The following CCT6A variants were observed in gnomAD, a reference collection of about 807,000 sequenced individuals.
CCT6A encodes chaperonin containing TCP1 subunit 6A, also known as T-complex protein 1 subunit zeta.
Under a neutral mutation model 58.6 loss-of-function variants are expected in CCT6A, and 6 were observed. That is an observed-to-expected ratio of 0.10 (90% CI 0.06 to 0.20). The LOEUF is 0.20. CCT6A is among the 10% of genes least tolerant of loss of function. The pLI, the probability that CCT6A is intolerant of heterozygous loss-of-function variation, is 1.00. For synonymous variants in CCT6A, 245 were observed against 227.8 expected (o/e 1.08, Z -0.68); for missense variants, 516 against 648.8 (o/e 0.80, Z 2.22).
At chr7:56,059,753 A>G in intron 9 of CCT6A, 113 bp downstream of exon 9, 1 of 624,788 alleles carries the variant, frequency 1.6e-6, no homozygotes, top group South Asian at 1.9e-5. Context: ...CAGTGGTGTG[A>G]TCACAGTTCA....
chr7:56,056,059 C>T lies in CCT6A; in HGVS notation c.511-252C>T, dbSNP rs183566770. On this transcript the variant is annotated intron_variant, in intron 4 of 13. Transcript: ENST00000275603. The stretch of plus-strand genomic sequence containing the variant: ...TTTTTATTAGAAAGCTTCCAGTTAC[C>T]AGTATTTTTAATAAAACGAGGAATG... Among the ~76,000 whole-genome samples, 17 of 151,828 alleles carry T rather than the reference C, an allele frequency of 1.1e-4. No individual in the cohort carries two copies. In the East Asian group the frequency reaches 3.3e-3, roughly 29 times the overall value.
At position 56,056,327 on chromosome 7, in the gene CCT6A, T is replaced by C; in HGVS notation, c.527T>C (p.Ile176Thr). Residue 176 changes from isoleucine (I) to threonine (T), a missense_variant, in exon 5 of 14, where the codon ATT becomes ACT. Coordinates refer to ENST00000275603, the MANE Select transcript of CCT6A (RefSeq NM_001762.4). ...DVLTEAVVDS[I>T]LAIKKQDEPI... ...CAATTGCAGGCTGTAGTGGACTCCATTTTGGCCATTAAAAAGCAAGATGAA... is the reference window on the plus strand; with the variant it reads ...CAATTGCAGGCTGTAGTGGACTCCACTTTGGCCATTAAAAAGCAAGATGAA... The C allele has an allele frequency of 6.4e-7, 1 of 1,570,470 alleles. No homozygotes were observed.
chr7:56,056,351 A>G lies in CCT6A; in HGVS notation c.551A>G (p.Glu184Gly). The G allele has an allele frequency of 6.2e-6, 10 of 1,602,050 alleles. No homozygotes were observed. Among genetic ancestry groups the G allele is most frequent in the African/African-American group, 1.3e-5 (1 of 74,800 alleles). The change falls in exon 5 of 14, where the codon GAA (glutamate) becomes GGA (glycine). Residue 184 changes from glutamate to glycine, a missense_variant. By Grantham distance (98) the Glu-to-Gly change is moderately conservative. Transcript: ENST00000275603. ...DSILAIKKQD[E>G]PIDLFMIEIM... Reference sequence around the variant, plus strand: ...ATTTTGGCCATTAAAAAGCAAGATGAACCTATTGATCTCTTCATGATTGAG... The same window carrying G: ...ATTTTGGCCATTAAAAAGCAAGATGGACCTATTGATCTCTTCATGATTGAG...
chr7:56,051,804 C>T lies in CCT6A; in HGVS notation c.-45C>T, dbSNP rs1412414746. ...GTTCCTCCCGGCCACGCCGCGCCGGCTCTGGGCACTCAGCATCGTTTCCTT... is the reference window on the plus strand; with the variant it reads ...GTTCCTCCCGGCCACGCCGCGCCGGTTCTGGGCACTCAGCATCGTTTCCTT... On this transcript the variant is annotated 5_prime_UTR_variant, in exon 1 of 14. Coordinates refer to ENST00000275603, the MANE Select transcript of CCT6A (RefSeq NM_001762.4). 5 of 1,540,712 alleles carry T rather than the reference C, an allele frequency of 3.2e-6. No homozygotes were observed. The highest frequency in any genetic ancestry group is 1.4e-5 in the African/African-American group (1 of 71,244).
At chr7:56,054,167 C>T (rs1303164266) in intron 2 of CCT6A, among the ~76,000 whole-genome samples, 2 of 152,118 alleles carry the variant, frequency 1.3e-5, no homozygotes, top group African/African-American at 4.8e-5. Flanking sequence ...GTAGAGATAA[C>T]CTGGGAAATA....
rs574372841 is a variant in CCT6A at position 56,051,770 on chromosome 7, A to T, written c.-79A>T. 1.3e-6 allele frequency: 2 copies of T among 1,512,684 alleles called. No individual in the cohort carries two copies. Among genetic ancestry groups the T allele is most frequent in the East Asian group, 2.6e-5 (1 of 37,902 alleles). 93.7% of individuals were successfully genotyped at this position (1,512,684 alleles called of 1,614,324 possible). On this transcript the variant is annotated 5_prime_UTR_variant, in exon 1 of 14. Transcript: ENST00000275603. ...CCAGACGGGCCGACTTTTCCAGAAGACCCGGATAGTTCCTCCCGGCCACGC... is the reference window on the plus strand; with the variant it reads ...CCAGACGGGCCGACTTTTCCAGAAGTCCCGGATAGTTCCTCCCGGCCACGC...
At chr7:56,057,959 A>G in intron 5 of CCT6A, 34 bp from the exon 6 acceptor site, 1 of 1,137,994 alleles carries the variant, frequency 8.8e-7, no homozygotes, top group Non-Finnish European at 1.3e-6. Context: ...CCATCTGAAA[A>G]TCAATAACCA....
intron 2 of CCT6A, among the ~76,000 whole-genome samples, chr7:56,052,788 C>CTTTTTTTTTTTT (rs776930910): frequency 3.4e-3 from 93 of 26,982 alleles, no homozygotes; most frequent in Non-Finnish European, 5.9e-3. Context: ...TTTTTCTTTT[C>CTTTTTTTTTTTT]TTTTCTTTTT....
rs1399285703 is a variant in CCT6A at position 56,058,394 on chromosome 7, C to T, written c.758C>T (p.Ala253Val). ...AATTCTGGCTTTTTTTACAAGAGTG[C>T]AGAAGAGAGAGAAAAACTCGTGAAA... Reference protein sequence around the residue: ...EVNSGFFYKSAEEREKLVKAE... With the variant: ...EVNSGFFYKSVEEREKLVKAE... Residue 253 changes from alanine to valine, a missense_variant, in exon 7 of 14, where the codon GCA becomes GTA. By Grantham distance (64) the Ala-to-Val change is moderately conservative. Coordinates refer to ENST00000275603, the MANE Select transcript of CCT6A (RefSeq NM_001762.4). 2.0e-5 allele frequency: 32 copies of T among 1,591,572 alleles called. No individual in the cohort carries two copies. Among genetic ancestry groups the T allele is most frequent in the Non-Finnish European group, 2.2e-5 (26 of 1,173,240 alleles).
intron 11 of CCT6A, among the ~76,000 whole-genome samples, chr7:56,061,327 T>C (rs1794426758): frequency 6.6e-6 from 1 of 151,952 alleles, no homozygotes; most frequent in South Asian, 2.1e-4. Context: ...AACTTGTGTC[T>C]GGTATTCTCT....
chr7:56,057,437 T>A (rs1399094290), intron 5 of CCT6A, among the ~76,000 whole-genome samples: 2 of 152,016 alleles, frequency 1.3e-5, no homozygotes, highest in Non-Finnish European at 2.9e-5. Flanking sequence ...TTCCTGGGAT[T>A]AAGGTGTCCT....
In CCT6A at chr7:56,051,996, G is replaced by T; in HGVS notation, c.137+11G>T. On this transcript the variant is annotated intron_variant, in intron 1 of 13. Transcript: ENST00000275603. ...GGGCACCATGAAGATGTAAGGCGGG[G>T]CTGAACCGGAGGGCCGGGCGGGCAC... is the stretch of plus-strand genomic sequence containing the variant. The T allele has an allele frequency of 1.1e-5, 17 of 1,496,280 alleles. No individual in the cohort carries two copies. The highest frequency in any genetic ancestry group is 1.5e-5 in the Non-Finnish European group (17 of 1,123,362). The allele number at this position is 1,496,280 out of a possible 1,614,324, so 92.7% of individuals were successfully genotyped here.
intron 9 of CCT6A, 61 bp from the exon 10 acceptor site, chr7:56,060,208 C>T (rs1171868776): frequency 6.9e-7 from 1 of 1,449,826 alleles, no homozygotes; most frequent in African/African-American, 1.4e-5. Context: ...CTGTAAGTCC[C>T]TCTTCTCTCT....
rs1794365986 is a variant in CCT6A at position 56,058,645 on chromosome 7, C to T, written c.911C>T (p.Ala304Val). 1.2e-6 allele frequency: 2 copies of T among 1,605,940 alleles called. No individual in the cohort carries two copies. Among genetic ancestry groups the T allele is most frequent in the East Asian group, 4.5e-5 (2 of 44,784 alleles). Residue 304 changes from alanine to valine, a missense_variant, in exon 8 of 14, where the codon GCT (alanine) becomes GTT (valine). Physicochemically the swap from Ala to Val is moderately conservative, Grantham distance 64 (BLOSUM62 0). Transcript: ENST00000275603. Reference protein sequence around the residue: ...QKGIDPFSLDALSKEGIVALR... With the variant: ...QKGIDPFSLDVLSKEGIVALR... Reference sequence around the variant, plus strand: ...GGAATTGACCCCTTTTCCTTAGATGCTCTTTCAAAAGAAGGCATAGTTGCT... The same window carrying T: ...GGAATTGACCCCTTTTCCTTAGATGTTCTTTCAAAAGAAGGCATAGTTGCT...
rs755111167 is a variant in CCT6A at position 56,051,834 on chromosome 7, T to C, written c.-15T>C. 112 of 1,553,376 alleles carry C rather than the reference T, an allele frequency of 7.2e-5. No homozygotes were observed. The highest frequency in any genetic ancestry group is 9.1e-5 in the Non-Finnish European group (105 of 1,149,368). ...GGCACTCAGCATCGTTTCCTTTTCC[T>C]CCGCTGGAGCAGCTATGGCGGCGGT... On this transcript the variant is annotated 5_prime_UTR_variant, in exon 1 of 14. Coordinates refer to ENST00000275603, the MANE Select transcript of CCT6A (RefSeq NM_001762.4).
intron 12 of CCT6A, 96 bp downstream of exon 12, chr7:56,061,945 A>G (rs1463245021): frequency 3.1e-6 from 2 of 640,354 alleles, no homozygotes; most frequent in Non-Finnish European, 5.3e-6. Context: ...GCAATTTGAC[A>G]CCAGTGCTGT....
chr7:56,058,582 G>T, intron 7 of CCT6A, 38 bp from the exon 8 acceptor site: 1 of 1,581,236 alleles, frequency 6.3e-7, no homozygotes, highest in Middle Eastern at 1.7e-4. Context: ...TACTTTTAAG[G>T]TGAAAGATGT....
In CCT6A at chr7:56,058,343, C is replaced by CT. The variant is rs747944355; in HGVS notation, c.726-9dup. 7,488 of 1,383,274 alleles carry CT rather than the reference C, an allele frequency of 5.4e-3. No individual in the cohort carries two copies. Among genetic ancestry groups the CT allele is most frequent in the South Asian group, 8.0e-3 (564 of 70,254 alleles). 85.7% of individuals were successfully genotyped at this position (1,383,274 alleles called of 1,614,324 possible). On this transcript the variant is annotated intron_variant, in intron 6 of 13. Transcript: ENST00000275603. ...CTTAATGTTTCCCTGCTTTCTGTAA[C>CT]TTTTTTTTTTCTTAATAGAGAAGTG... is the stretch of plus-strand genomic sequence containing the variant.
intron 2 of CCT6A, among the ~76,000 whole-genome samples, chr7:56,053,126 C>T (rs1794215665): frequency 6.6e-6 from 1 of 152,134 alleles, no homozygotes; most frequent in African/African-American, 2.4e-5. Flanking sequence ...TCTGTTAGGT[C>T]TCATCTCTAT....
Sources: gnomAD v4.1 joint callset for allele counts (sites outside exome capture counted in the v4.1 genomes callset) on GRCh38, gnomAD v4.1.1 for gene constraint, MANE v1.5 for transcripts, NCBI Gene and HGNC (gene_info 2026-07-23, HGNC 2026-07-21) for gene names.